RSPH9: variants seen among roughly 807,000 people sequenced by gnomAD.
RSPH9 encodes the protein radial spoke head protein 9 homolog.
In RSPH9, 27 loss-of-function variants were observed where a neutral mutation model predicts 27.0. The ratio of observed to expected loss-of-function variants is 1.00; its 90% CI spans 0.74 to 1.38. The LOEUF (loss-of-function observed/expected upper bound fraction) is 1.38, where lower values mean the gene tolerates loss of function less well. RSPH9 is among the 40% of genes most tolerant of loss of function. RSPH9 has a pLI of 0.00. For missense variants in RSPH9, 347 were observed against 357.4 expected, an observed-to-expected ratio of 0.97 and a Z score of 0.24; for synonymous variants, 145 against 147.7, an observed-to-expected ratio of 0.98 and a Z score of 0.13.
intron 4 of RSPH9, among the ~76,000 whole-genome samples, chr6:43,666,220 C>T (rs1773119756): frequency 1.3e-5 from 2 of 152,034 alleles, no homozygotes; most frequent in African/African-American, 4.8e-5. Context: ...TCTGATTTTC[C>T]TCCCCGGTCC....
At chr6:43,652,525 A>C (rs2127897783) in intron 2 of RSPH9, among the ~76,000 whole-genome samples, 1 of 150,984 alleles carries the variant, frequency 6.6e-6, no homozygotes, top group East Asian at 2.0e-4. Context: ...TCCCGGGTTC[A>C]AGTGATTCTC....
intron 4 of RSPH9, among the ~76,000 whole-genome samples, chr6:43,663,739 A>T (rs914379028): frequency 4.0e-5 from 6 of 148,592 alleles, no homozygotes; most frequent in African/African-American, 1.0e-4. Context: ...TAATAATAAC[A>T]AAAAAAAGGG....
Position 43,645,257 on chromosome 6 carries a change from C to G in RSPH9, c.159C>G (p.Leu53=), listed in dbSNP as rs145929923. The G allele has an allele frequency of 1.2e-6, 2 of 1,614,064 alleles. No individual in the cohort carries two copies. The highest frequency in any genetic ancestry group is 2.7e-5 in the African/African-American group (2 of 75,058). The change falls in exon 1 of 5, where the codon CTC becomes CTG. Residue 53 remains leucine (L), a synonymous_variant. Coordinates refer to ENST00000372163, the MANE Select transcript of RSPH9 (RefSeq NM_152732.5). The part of the protein sequence containing the change: ...RVLFWGRILG[L]VADYYIAQGL... ...TCTTCTGGGGCCGCATCCTTGGCCT[C>G]GTCGCCGATTACTACATCGCGCAGG...
intron 4 of RSPH9, among the ~76,000 whole-genome samples, chr6:43,668,418 C>T (rs902858383): frequency 2.0e-5 from 3 of 152,126 alleles, no homozygotes; most frequent in African/African-American, 7.2e-5. Context: ...CGCTACCGTA[C>T]TCCACCAGCA....
At chr6:43,658,851 G>A (rs1011212508) in intron 4 of RSPH9, among the ~76,000 whole-genome samples, 1 of 151,788 alleles carries the variant, frequency 6.6e-6, no homozygotes, top group Non-Finnish European at 1.5e-5. Flanking sequence ...GACATGCCCA[G>A]CTAATTTTTG....
intron 2 of RSPH9, among the ~76,000 whole-genome samples, chr6:43,650,925 G>T (rs1455886442): frequency 6.9e-6 from 1 of 144,806 alleles, no homozygotes; most frequent in Non-Finnish European, 1.5e-5. Flanking sequence ...AAAAAGAAAA[G>T]AAAAAAAAGA....
rs1771926979 is a variant in RSPH9, at chr6:43,655,684, C to T, written c.516C>T (p.Thr172=). The change falls in exon 3 of 5, where the codon ACC becomes ACT. Residue 172 remains threonine, a synonymous_variant. Transcript: ENST00000372163. ...TTGGACCCACCCATGTCAATCGGAC[C>T]TTTGAAGGTGAGTTCTCTGGGGCCC... The part of the protein sequence containing the change: ...TPFGPTHVNR[T]FEGLSLSEAK... 2.5e-6 allele frequency: 4 copies of T among 1,614,206 alleles called. No homozygotes were observed. The highest frequency in any genetic ancestry group is 3.4e-6 in the Non-Finnish European group (4 of 1,180,046).
intron 4 of RSPH9, among the ~76,000 whole-genome samples, chr6:43,670,124 G>T (rs538789484): frequency 1.3e-5 from 2 of 152,334 alleles, no homozygotes; most frequent in South Asian, 4.1e-4. Context: ...TAGGTATAGT[G>T]TGGGAGGAGC....
rs1773162879 is a variant in RSPH9, at chr6:43,666,651, G to A, written c.671-4138G>A. ...GTCCAGGGATCCGCAAAGTTCCATG[G>A]GAGTGGGTAGCTGGTTCTGGGGTGG... On this transcript the variant is annotated intron_variant, in intron 4 of 4. Coordinates refer to ENST00000372163, the MANE Select transcript of RSPH9 (RefSeq NM_152732.5). The A allele has an allele frequency of 8.2e-6, 5 of 607,908 alleles. No homozygotes were observed. In the Admixed American group the frequency reaches 1.2e-4, roughly 14 times the overall value. 37.7% of individuals were successfully genotyped at this position (607,908 alleles called of 1,614,324 possible). A position where few individuals can be genotyped will look rare whatever the true frequency, so the allele number is the denominator to read the frequency against.
At chr6:43,651,914 T>A (rs1388638875) in intron 2 of RSPH9, among the ~76,000 whole-genome samples, 1 of 152,282 alleles carries the variant, frequency 6.6e-6, no homozygotes, top group East Asian at 1.9e-4. Flanking sequence ...TAAATTTTTC[T>A]GCTCCAAGTA....
At chr6:43,668,124 CG>C (rs2127932056) in intron 4 of RSPH9, among the ~76,000 whole-genome samples, 1 of 152,170 alleles carries the variant, frequency 6.6e-6, no homozygotes, top group East Asian at 1.9e-4. Context: ...GAAGAGAGAG[CG>C]GGGGCTGTGA....
At chr6:43,650,675 G>A (rs1040835550) in intron 2 of RSPH9, 135 bp downstream of exon 2, 3 of 872,314 alleles carry the variant, frequency 3.4e-6, no homozygotes, top group East Asian at 2.6e-5. Flanking sequence ...GAGAGGCTGA[G>A]GCGGGTGGAT....
intron 2 of RSPH9, among the ~76,000 whole-genome samples, chr6:43,653,544 G>GTA (rs1771701989): frequency 6.6e-6 from 1 of 151,572 alleles, no homozygotes; most frequent in Non-Finnish European, 1.5e-5. Flanking sequence ...AAGTTAACAA[G>GTA]TAAGGAGCCT....
At chr6:43,652,303 C>G (rs1771559002) in intron 2 of RSPH9, among the ~76,000 whole-genome samples, 1 of 144,262 alleles carries the variant, frequency 6.9e-6, no homozygotes, top group Non-Finnish European at 1.5e-5. Flanking sequence ...GAGACTCTGT[C>G]TCAAAAAAAA....
At chr6:43,659,979 G>A (rs896220858) in intron 4 of RSPH9, among the ~76,000 whole-genome samples, 1 of 148,990 alleles carries the variant, frequency 6.7e-6, no homozygotes, top group Non-Finnish European at 1.5e-5. Flanking sequence ...CAGGTGATCT[G>A]CCCGCCTTGG....
chr6:43,661,265 G>A (rs543134418), intron 4 of RSPH9, among the ~76,000 whole-genome samples: 1 of 152,274 alleles, frequency 6.6e-6, no homozygotes, highest in Non-Finnish European at 1.5e-5. Flanking sequence ...ATAAGCATTG[G>A]CTTCAACTTA....
intron 1 of RSPH9, among the ~76,000 whole-genome samples, chr6:43,649,743 T>A (rs993155331): frequency 6.6e-6 from 1 of 152,104 alleles, no homozygotes; most frequent in Non-Finnish European, 1.5e-5. Flanking sequence ...GTGGGCAGGC[T>A]GAGCATGAAT....
intron 2 of RSPH9, 89 bp from the exon 3 acceptor site, chr6:43,655,473 T>C (rs1582385100): frequency 6.9e-7 from 1 of 1,456,168 alleles, no homozygotes; most frequent in Non-Finnish European, 9.6e-7. Flanking sequence ...ACTGCAGTGG[T>C]GCGGGTGAGA....
chr6:43,666,448 A>C (rs187065450), intron 4 of RSPH9: 2 of 1,550,452 alleles, frequency 1.3e-6, no homozygotes, highest in Non-Finnish European at 1.7e-6. Flanking sequence ...GTTCAGGGTG[A>C]CTTCACGTGG....
Sources: gnomAD v4.1 joint callset for allele counts (sites outside exome capture counted in the v4.1 genomes callset) on GRCh38, gnomAD v4.1.1 for gene constraint, MANE v1.5 for transcripts, NCBI Gene and HGNC (gene_info 2026-07-23, HGNC 2026-07-21) for gene names.